The following TRIM67 variants were observed in gnomAD, a reference collection of about 807,000 sequenced individuals.
TRIM67 encodes tripartite motif-containing protein 67.
Under a neutral mutation model 71.0 loss-of-function variants are expected in TRIM67, and 39 were observed. That is an observed-to-expected ratio of 0.55 (90% CI 0.43 to 0.72). The LOEUF is 0.72. Among genes scored for constraint, TRIM67 ranks in the 30% least tolerant of loss-of-function variants. The pLI is 0.00. For missense variants in TRIM67, 973 were observed against 1,079.2 expected (o/e 0.90, Z 1.38); for synonymous variants, 481 against 473.9 (o/e 1.01, Z -0.19).
rs1193320849 is a variant in TRIM67 at position 231,163,806 on chromosome 1, C to T, written c.837C>T (p.Gly279=). ...GTAQGAPSGG[G]GCKSPGGAGA... ...CCCAGGGCGCCCCCAGCGGAGGCGG[C>T]GGCTGCAAGAGCCCGGGAGGCGCGG... The change falls in exon 1 of 10, where the codon GGC becomes GGT. Residue 279 remains glycine (G), a synonymous_variant. Transcript: ENST00000366653. The T allele has an allele frequency of 3.3e-6, 5 of 1,494,506 alleles. No individual in the cohort carries two copies. The highest frequency in any genetic ancestry group is 1.4e-5 in the African/African-American group (1 of 69,742). The allele number at this position is 1,494,506 out of a possible 1,614,324, so 92.6% of individuals were successfully genotyped here.
At chr1:231,183,849 G>A (rs913611128) in intron 1 of TRIM67, among the ~76,000 whole-genome samples, 2 of 152,178 alleles carry the variant, frequency 1.3e-5, no homozygotes, top group African/African-American at 4.8e-5. Context: ...GGGAGAGTAA[G>A]TGACTCACCT....
chr1:231,203,638 A>G (rs1472130010), intron 5 of TRIM67, among the ~76,000 whole-genome samples: 2 of 152,168 alleles, frequency 1.3e-5, no homozygotes, highest in Non-Finnish European at 2.9e-5. Context: ...GATTCCAGGA[A>G]GGACAACCCC....
intron 1 of TRIM67, among the ~76,000 whole-genome samples, chr1:231,173,006 G>A (rs1280852114): frequency 6.6e-6 from 1 of 152,146 alleles, no homozygotes; most frequent in Non-Finnish European, 1.5e-5. Flanking sequence ...CTTTTTCTGA[G>A]CTGATGCTGC....
chr1:231,195,388 G>A (rs1308247077), intron 1 of TRIM67, among the ~76,000 whole-genome samples: 1 of 152,226 alleles, frequency 6.6e-6, no homozygotes, highest in African/African-American at 2.4e-5. Context: ...GAGCAGACCT[G>A]AGACGCTTCT....
At chr1:231,192,794 G>C (rs1165637257) in intron 1 of TRIM67, among the ~76,000 whole-genome samples, 1 of 152,236 alleles carries the variant, frequency 6.6e-6, no homozygotes, top group East Asian at 1.9e-4. Context: ...CCTCACCAAG[G>C]GGGCATCAAA....
intron 3 of TRIM67, 136 bp from the exon 4 acceptor site, chr1:231,200,012 G>A: frequency 3.1e-6 from 2 of 643,118 alleles, no homozygotes; most frequent in Non-Finnish European, 5.6e-6. Flanking sequence ...AGAGCTGAGA[G>A]AGGAGCTGGT....
At chr1:231,183,478 T>C (rs1682964955) in intron 1 of TRIM67, among the ~76,000 whole-genome samples, 1 of 152,066 alleles carries the variant, frequency 6.6e-6, no homozygotes, top group African/African-American at 2.4e-5. Context: ...TTGGGCATGG[T>C]GGCACGTGCC....
intron 1 of TRIM67, among the ~76,000 whole-genome samples, chr1:231,188,253 C>T (rs1247607002): frequency 6.6e-6 from 1 of 152,184 alleles, no homozygotes; most frequent in Non-Finnish European, 1.5e-5. Context: ...CATGTGTCCC[C>T]TGCAGTGCAG....
At chr1:231,189,260 T>TA (rs1237475243) in intron 1 of TRIM67, among the ~76,000 whole-genome samples, 1 of 152,224 alleles carries the variant, frequency 6.6e-6, no homozygotes, top group East Asian at 1.9e-4. Flanking sequence ...TTGCCAGTCA[T>TA]AGCAGGCTCA....
intron 1 of TRIM67, among the ~76,000 whole-genome samples, chr1:231,176,724 A>G (rs1682757768): frequency 6.6e-6 from 1 of 152,108 alleles, no homozygotes; most frequent in Admixed American, 6.5e-5. Context: ...CAATGGGGGA[A>G]AAGGATGGGA....
chr1:231,202,233 G>GGT (rs368143609), intron 5 of TRIM67, among the ~76,000 whole-genome samples: 1 of 4,044 alleles, frequency 2.5e-4, no homozygotes, highest in Non-Finnish European at 6.4e-4. Flanking sequence ...GGTAGTAGGA[G>GGT]AGGAGGGGGG....
chr1:231,183,159 T>C (rs905450839), intron 1 of TRIM67, among the ~76,000 whole-genome samples: 2 of 152,206 alleles, frequency 1.3e-5, no homozygotes, highest in Admixed American at 6.5e-5. Context: ...TCCACAAGCA[T>C]GGACTATACC....
At chr1:231,211,001 G>A (rs1217040745) in intron 8 of TRIM67, among the ~76,000 whole-genome samples, 1 of 139,638 alleles carries the variant, frequency 7.2e-6, no homozygotes. Context: ...GGGCAATATA[G>A]TGAGACCCTC....
At chr1:231,187,553 TC>T (rs773220804) in intron 1 of TRIM67, 1 of 1,532,236 alleles carries the variant, frequency 6.5e-7, no homozygotes, top group South Asian at 1.2e-5. Context: ...GTGAGAGAAA[TC>T]CCCTGTGGTC....
In TRIM67 at chr1:231,200,857, C is replaced by A. The variant is rs1375812896; in HGVS notation, c.1375-501C>A. On this transcript the variant is annotated intron_variant, in intron 4 of 9. Transcript: ENST00000366653. Reference sequence around the variant, plus strand: ...AGCAGGACTTTCCAGCAAAAGGGAGCAGAACCACGGGTGTGATGCAGTCAA... The same window carrying A: ...AGCAGGACTTTCCAGCAAAAGGGAGAAGAACCACGGGTGTGATGCAGTCAA... Among the ~76,000 whole-genome samples the A allele has an allele frequency of 3.3e-5, 5 of 152,268 alleles. No individual in the cohort carries two copies. In the South Asian group the frequency reaches 8.3e-4, roughly 25 times the overall value.
chr1:231,217,659 G>A lies in TRIM67; in HGVS notation c.*2219G>A. ...TAGGCAGGGCTGCCTGGTGACAGCA[G>A]CTTCTCACAGGGGAGCCCTGGGGAA... On this transcript the variant is annotated 3_prime_UTR_variant, in exon 10 of 10. Coordinates refer to ENST00000366653, the MANE Select transcript of TRIM67 (RefSeq NM_001004342.5). 1 of 1,163,434 alleles carries A rather than the reference G, an allele frequency of 8.6e-7. No individual in the cohort carries two copies. Among genetic ancestry groups the A allele is most frequent in the Non-Finnish European group, 1.1e-6 (1 of 926,750 alleles). The allele number at this position is 1,163,434 out of a possible 1,614,324, so 72.1% of individuals were successfully genotyped here.
In TRIM67 at chr1:231,216,237, T is replaced by C; in HGVS notation, c.*797T>C. On this transcript the variant is annotated 3_prime_UTR_variant, in exon 10 of 10. Transcript: ENST00000366653. ...CCTCCTTCTCTCTTACTTTCCTCCA[T>C]CCCTGCCTCTTTCTTCCCTCTTTCG... The C allele has an allele frequency of 1.0e-6, 1 of 966,526 alleles. No individual in the cohort carries two copies. The highest frequency in any genetic ancestry group is 1.2e-6 in the Non-Finnish European group (1 of 813,560). 59.9% of individuals were successfully genotyped at this position (966,526 alleles called of 1,614,324 possible). A position where few individuals can be genotyped will look rare whatever the true frequency, so the allele number is the denominator to read the frequency against.
rs1264565651 is a variant in TRIM67, at chr1:231,217,808, A to G, written c.*2368A>G. 7.8e-7 allele frequency: 1 copy of G among 1,289,406 alleles called. No homozygotes were observed. The highest frequency in any genetic ancestry group is 1.0e-6 in the Non-Finnish European group (1 of 988,726). 79.9% of individuals were successfully genotyped at this position (1,289,406 alleles called of 1,614,324 possible). On this transcript the variant is annotated 3_prime_UTR_variant, in exon 10 of 10. Transcript: ENST00000366653. ...ACCCTGAACCTAACCCCTTTGAGGG[A>G]GCAGCATCCAGGTCAGGAGAGAAGT... is the stretch of plus-strand genomic sequence containing the variant.
At chr1:231,190,556 G>C (rs537453952) in intron 1 of TRIM67, among the ~76,000 whole-genome samples, 1 of 152,116 alleles carries the variant, frequency 6.6e-6, no homozygotes, top group South Asian at 2.1e-4. Flanking sequence ...TGCGGCCCCC[G>C]GCGTAACATA....
Sources: allele counts gnomAD v4.1 joint callset (sites outside exome capture counted in the v4.1 genomes callset), GRCh38; gene constraint gnomAD v4.1.1; transcripts MANE v1.5; gene names NCBI Gene and HGNC (gene_info 2026-07-23, HGNC 2026-07-21).